MAPK14: variants seen among roughly 807,000 people sequenced by gnomAD.
MAPK14 encodes mitogen-activated protein kinase 14, also known as CSAID-binding protein.
In MAPK14, 16 loss-of-function variants were observed where a neutral mutation model predicts 49.6. That is an observed-to-expected ratio of 0.32 (90% confidence interval 0.22 to 0.49). The LOEUF is 0.49. Ranked by LOEUF, MAPK14 falls within the 20% of genes least tolerant of loss-of-function variation. The pLI, the probability that MAPK14 is intolerant of heterozygous loss-of-function variation, is 0.99. For missense variants in MAPK14, 200 were observed against 441.2 expected (o/e 0.45, Z 4.90); for synonymous variants, 142 against 158.0 (o/e 0.90, Z 0.76).
chr6:36,059,377 G>GCA (rs1181432651), intron 3 of MAPK14, 30 bp downstream of exon 3: 2 of 1,524,572 alleles, frequency 1.3e-6, no homozygotes, highest in Admixed American at 3.3e-5. Flanking sequence ...TTGCCTTCCT[G>GCA]GTCTACAGAA....
intron 1 of MAPK14, among the ~76,000 whole-genome samples, chr6:36,031,729 A>G (rs1486300072): frequency 6.6e-6 from 1 of 152,104 alleles, no homozygotes; most frequent in Admixed American, 6.6e-5. Context: ...TTTTGAGAGC[A>G]GATTTGATTT....
chr6:36,043,134 AT>A (rs755904339), intron 1 of MAPK14, among the ~76,000 whole-genome samples: 17 of 152,188 alleles, frequency 1.1e-4, no homozygotes, highest in Non-Finnish European at 2.4e-4. Context: ...AAAAAAAAAA[AT>A]TAAAAATGAA....
intron 8 of MAPK14, among the ~76,000 whole-genome samples, chr6:36,085,877 A>G (rs1433072629): frequency 6.6e-6 from 1 of 152,242 alleles, no homozygotes; most frequent in Non-Finnish European, 1.5e-5. Flanking sequence ...AGCACATCGC[A>G]CTTAGGCTAA....
chr6:36,115,359 C>T (rs904196554), downstream of MAPK14, among the ~76,000 whole-genome samples: 23 of 152,326 alleles, frequency 1.5e-4, no homozygotes, highest in Admixed American at 3.3e-4. Context: ...ATCTATTACC[C>T]TTTGCATAAC....
intron 5 of MAPK14, 39 bp downstream of exon 5, chr6:36,073,759 TG>T (rs1159574214): frequency 1.3e-6 from 2 of 1,595,316 alleles, no homozygotes; most frequent in Admixed American, 1.7e-5. Flanking sequence ...TTTGGGGAAG[TG>T]GGGTGAGAGT....
intron 3 of MAPK14, among the ~76,000 whole-genome samples, chr6:36,060,994 G>T (rs1763799625): frequency 1.3e-5 from 2 of 152,164 alleles, no homozygotes; most frequent in Admixed American, 1.3e-4. Context: ...CAATATGGAG[G>T]CTTCCAGAGA....
the MAPK14 span, among the ~76,000 whole-genome samples, chr6:36,124,145 TCCCTC>T: frequency 6.1e-4 from 30 of 49,508 alleles, no homozygotes; most frequent in African/African-American, 2.1e-3. Context: ...CCTCCCTCCC[TCCCTC>T]CCTTCCTTCC....
chr6:36,048,892 T>C (rs956854879), intron 1 of MAPK14, among the ~76,000 whole-genome samples: 8 of 152,178 alleles, frequency 5.3e-5, no homozygotes, highest in African/African-American at 1.9e-4. Flanking sequence ...GTCATGGGCA[T>C]AGATGAGATT....
At chr6:36,077,632 T>A (rs1465361718) in intron 8 of MAPK14, among the ~76,000 whole-genome samples, 1 of 152,186 alleles carries the variant, frequency 6.6e-6, no homozygotes, top group Non-Finnish European at 1.5e-5. Flanking sequence ...CTAGAGAGAA[T>A]GTACTTTCAT....
chr6:36,100,909 T>C (rs911220150), intron 9 of MAPK14, among the ~76,000 whole-genome samples: 2 of 152,210 alleles, frequency 1.3e-5, no homozygotes, highest in African/African-American at 4.8e-5. Flanking sequence ...CAGCTTTGTT[T>C]CTACTTCAGC....
At chr6:36,113,810 C>T (rs1291032353), downstream of MAPK14, among the ~76,000 whole-genome samples, 1 of 152,170 alleles carries the variant, frequency 6.6e-6, no homozygotes, top group Non-Finnish European at 1.5e-5. Flanking sequence ...GAACCATTCT[C>T]AAATTTCAGT....
Position 36,076,205 on chromosome 6 carries a change from C to A in MAPK14, c.610+243C>A, listed in dbSNP as rs1433460125. ...TTTATTTAGATTTTGAATATATTCT[C>A]TGAGTACTTATACCTAAAGACAATT... On this transcript the variant is annotated intron_variant, in intron 7 of 11. Coordinates refer to ENST00000229794, the MANE Select transcript of MAPK14 (RefSeq NM_139012.3). Among the ~76,000 whole-genome samples, 484 of 152,270 alleles carry A rather than the reference C, an allele frequency of 3.2e-3. 3 individuals are homozygous for A. The highest frequency in any genetic ancestry group is 0.011 in the African/African-American group (445 of 41,532).
Position 36,077,877 on chromosome 6 carries a change from G to A in MAPK14, c.682+1269G>A, listed in dbSNP as rs114154463. On this transcript the variant is annotated intron_variant, in intron 8 of 11. Transcript: ENST00000229794. ...ATTACAGTCCAAGGTAAGAGAATTAGGGAAAATTCATACTTCCCCCTTTCC... is the reference window on the plus strand; with the variant it reads ...ATTACAGTCCAAGGTAAGAGAATTAAGGAAAATTCATACTTCCCCCTTTCC... Among the ~76,000 whole-genome samples, 1,028 of 152,258 alleles carry A rather than the reference G, an allele frequency of 6.8e-3. 9 individuals carry two copies. Among genetic ancestry groups the A allele is most frequent in the African/African-American group, 0.023 (976 of 41,536 alleles).
chr6:36,028,357 GC>G lies in MAPK14; in HGVS notation c.116+85del, dbSNP rs1303814778. On this transcript the variant is annotated intron_variant, in intron 1 of 11. Coordinates refer to ENST00000229794, the MANE Select transcript of MAPK14 (RefSeq NM_139012.3). The surrounding 1 kb of genome is among the most constrained non-coding windows in gnomAD (Gnocchi z 5.1). ...CAGGCCTGCTCCACTGCTCAGCGTT[GC>G]GTCAAGTGGCAGGAATTTTCCTCGG... is the stretch of plus-strand genomic sequence containing the variant. 4.3e-6 allele frequency: 4 copies of G among 938,350 alleles called. No individual in the cohort carries two copies. In the East Asian group the frequency reaches 1.0e-4, roughly 24 times the overall value. The allele number at this position is 938,350 out of a possible 1,614,324, so 58.1% of individuals were successfully genotyped here.
intron 1 of MAPK14, among the ~76,000 whole-genome samples, chr6:36,036,551 G>A (rs886072499): frequency 2.6e-5 from 4 of 151,820 alleles, no homozygotes; most frequent in Non-Finnish European, 2.9e-5. Flanking sequence ...GCAATTCACC[G>A]TTGTCTTATT....
intron 9 of MAPK14, among the ~76,000 whole-genome samples, chr6:36,099,977 T>C (rs1765576714): frequency 6.6e-6 from 1 of 152,216 alleles, no homozygotes; most frequent in East Asian, 1.9e-4. Flanking sequence ...ATTTTTCTTA[T>C]CTGCATGGCC....
chr6:36,119,428 C>T, the MAPK14 span, among the ~76,000 whole-genome samples: 7 of 152,190 alleles, frequency 4.6e-5, no homozygotes, highest in Non-Finnish European at 1.5e-5. Context: ...TTTCTAGAAG[C>T]TTTCTCGTAT....
intron 8 of MAPK14, among the ~76,000 whole-genome samples, chr6:36,081,993 G>A (rs1237465067): frequency 6.6e-6 from 1 of 150,420 alleles, no homozygotes; most frequent in African/African-American, 2.5e-5. Flanking sequence ...TATTATTTTT[G>A]CTGCGATTAT....
chr6:36,053,225 C>T (rs1763471427), intron 2 of MAPK14, among the ~76,000 whole-genome samples: 2 of 146,680 alleles, frequency 1.4e-5, no homozygotes, highest in South Asian at 4.3e-4. Context: ...AAAATAGCCA[C>T]AGACTCCCAT....
Sources: gnomAD v4.1 joint callset for allele counts (sites outside exome capture counted in the v4.1 genomes callset) on GRCh38, gnomAD v4.1.1 for gene constraint, Gnocchi (gnomAD v3.1) non-coding constraint, MANE v1.5 for transcripts, NCBI Gene and HGNC (gene_info 2026-07-23, HGNC 2026-07-21) for gene names.